The following WDR43 variants were observed in gnomAD, a reference collection of about 807,000 sequenced individuals.
The protein encoded by WDR43 is WD repeat domain 43, also known as WD repeat-containing protein 43.
A neutral mutation model predicts 91.4 loss-of-function variants in WDR43; 13 were observed. The observed-to-expected ratio is 0.14, with a 90% confidence interval of 0.09 to 0.23. The LOEUF (loss-of-function observed/expected upper bound fraction) is 0.23, where lower values mean the gene tolerates loss of function less well. Among genes scored for constraint, WDR43 ranks in the 10% least tolerant of loss-of-function variants. The pLI is 1.00. For synonymous variants in WDR43, 331 were observed against 287.9 expected, an observed-to-expected ratio of 1.15 and a Z score of -1.51; for missense variants, 780 against 809.4, an observed-to-expected ratio of 0.96 and a Z score of 0.44.
At position 28,942,511 on chromosome 2, in the gene WDR43, C is replaced by T. The variant is rs575158213; in HGVS notation, c.1804+130C>T. ...GCAAGCCTTCTCTAATTAAAATAGG[C>T]AAGTCCGTGGCAAAAATCTGTAATT... On this transcript the variant is annotated intron_variant, in intron 16 of 17. Transcript: ENST00000407426. The T allele has an allele frequency of 5.2e-6, 5 of 962,314 alleles. No individual in the cohort carries two copies. The East Asian group carries it at 1.4e-4, about 26-fold the overall frequency. 59.6% of individuals were successfully genotyped at this position (962,314 alleles called of 1,614,324 possible).
At chr2:28,906,643 G>T in intron 3 of WDR43, 62 bp downstream of exon 3, 1 of 1,554,616 alleles carries the variant, frequency 6.4e-7, no homozygotes. Flanking sequence ...GACTTGTGGG[G>T]AATGCAGACA....
chr2:28,931,491 A>G (rs1177507730), intron 11 of WDR43, among the ~76,000 whole-genome samples: 2 of 152,296 alleles, frequency 1.3e-5, no homozygotes, highest in Middle Eastern at 3.4e-3. Context: ...TTATTTGCCT[A>G]GTAGAGCATT....
chr2:28,937,502 T>G (rs953872857), intron 13 of WDR43, among the ~76,000 whole-genome samples: 5 of 152,182 alleles, frequency 3.3e-5, no homozygotes, highest in African/African-American at 1.2e-4. Context: ...ATGACTTTTT[T>G]GCACATTTTT....
At chr2:28,939,957 A>T (rs1671402721) in intron 14 of WDR43, among the ~76,000 whole-genome samples, 1 of 151,892 alleles carries the variant, frequency 6.6e-6, no homozygotes. Flanking sequence ...AATACAAAAA[A>T]TTAGCCGAGC....
intron 1 of WDR43, 87 bp downstream of exon 1, chr2:28,895,010 C>T (rs1670448421): frequency 4.6e-6 from 6 of 1,313,678 alleles, no homozygotes; most frequent in Non-Finnish European, 6.0e-6. Context: ...TCCGGCATCG[C>T]GCGTGGCTCT....
chr2:28,928,970 C>G (rs1366517817), intron 10 of WDR43, among the ~76,000 whole-genome samples: 1 of 152,174 alleles, frequency 6.6e-6, no homozygotes, highest in African/African-American at 2.4e-5. Context: ...CCACCACACC[C>G]AGACCACAGT....
chr2:28,917,721 G>A (rs188462182), intron 5 of WDR43, among the ~76,000 whole-genome samples, 172 bp from the exon 6 acceptor site: 2 of 152,322 alleles, frequency 1.3e-5, no homozygotes, highest in Non-Finnish European at 2.9e-5. Flanking sequence ...TTATATGGTA[G>A]TGACATGGAT....
chr2:28,901,912 C>T, intron 1 of WDR43, 75 bp from the exon 2 acceptor site: 2 of 1,388,360 alleles, frequency 1.4e-6, no homozygotes, highest in South Asian at 3.0e-5. Flanking sequence ...GGCTGGTGGG[C>T]ATTTGTATTT....
intron 3 of WDR43, among the ~76,000 whole-genome samples, chr2:28,907,417 T>C (rs996406236): frequency 1.7e-4 from 20 of 119,090 alleles, no homozygotes; most frequent in African/African-American, 6.7e-4. Context: ...GAGACCAGAC[T>C]GAACAACATA....
intron 3 of WDR43, among the ~76,000 whole-genome samples, chr2:28,908,245 G>C (rs55838644): frequency 0.038 from 5,762 of 152,238 alleles, 362 homozygotes; most frequent in African/African-American, 0.13. Context: ...GGGGTTTTTA[G>C]ACAAGTTGGC....
At chr2:28,895,973 A>G (rs1158234368) in intron 1 of WDR43, 1 of 152,190 alleles carries the variant, frequency 6.6e-6, no homozygotes, top group East Asian at 1.9e-4. Context: ...AAAGGGATAC[A>G]TATAAGTTGC....
chr2:28,943,679 A>C (rs1325631078), intron 16 of WDR43, among the ~76,000 whole-genome samples: 1 of 152,112 alleles, frequency 6.6e-6, no homozygotes, highest in African/African-American at 2.4e-5. Context: ...GTGTTTATTG[A>C]TGGTGTGTAT....
chr2:28,945,002 G>A (rs1262557997), intron 16 of WDR43, among the ~76,000 whole-genome samples: 1 of 152,174 alleles, frequency 6.6e-6, no homozygotes, highest in Non-Finnish European at 1.5e-5. Flanking sequence ...CTGGGGAAAA[G>A]GAACACATAT....
intron 11 of WDR43, among the ~76,000 whole-genome samples, chr2:28,932,877 A>C (rs1671274026): frequency 6.6e-6 from 1 of 152,212 alleles, no homozygotes; most frequent in Non-Finnish European, 1.5e-5. Flanking sequence ...TTTAAGTTAA[A>C]TATTTTTTAA....
chr2:28,927,442 G>A (rs982114280), intron 9 of WDR43, 127 bp from the exon 10 acceptor site: 55 of 1,096,114 alleles, frequency 5.0e-5, no homozygotes, highest in Non-Finnish European at 6.7e-5. Flanking sequence ...ATCTTAAATT[G>A]ATATCAAGTT....
rs556379407 is a variant in WDR43 at position 28,913,357 on chromosome 2, GTCTC to G, written c.606+653_606+656del. ...AAAACAAAACAGATTTTGACACAGG[GTCTC>G]TCTCTGTCGCCCAGGCTGGACTGCA... is the stretch of plus-strand genomic sequence containing the variant. On this transcript the variant is annotated intron_variant, in intron 4 of 17. Coordinates refer to ENST00000407426, the MANE Select transcript of WDR43 (RefSeq NM_015131.3). Among the ~76,000 whole-genome samples, 15 of 152,136 alleles carry G rather than the reference GTCTC, an allele frequency of 9.9e-5. No homozygotes were observed. The East Asian group carries it at 2.9e-3, about 29-fold the overall frequency.
At chr2:28,935,655 A>G (rs1486433525) in intron 12 of WDR43, 48 bp downstream of exon 12, 2 of 1,350,254 alleles carry the variant, frequency 1.5e-6, no homozygotes, top group East Asian at 2.5e-5. Context: ...CATGAGTTAA[A>G]TGGAAAATTC....
intron 1 of WDR43, among the ~76,000 whole-genome samples, chr2:28,901,627 G>C (rs1229011591): frequency 6.6e-6 from 1 of 152,176 alleles, no homozygotes; most frequent in Non-Finnish European, 1.5e-5. Context: ...GAATCTCTTT[G>C]GTTGGGGAGT....
Position 28,937,949 on chromosome 2 carries a change from G to T in WDR43, c.1575G>T (p.Gln525His). Residue 525 changes from glutamine (Q) to histidine (H), a missense_variant, in exon 14 of 18, where the codon CAG (glutamine) becomes CAT (histidine). Around this residue, in one of 4 missense-constraint regions of WDR43, gnomAD observed 426 missense variants for 467.8 expected, o/e 0.91. Transcript: ENST00000407426. ...GHPNSAVLMV[Q>H]WLKCVLTVHA... ...TTTCCAGTGCTGTGCTAATGGTTCAGTGGCTAAAATGTGTGTTAACAGTTC... is the reference window on the plus strand; with the variant it reads ...TTTCCAGTGCTGTGCTAATGGTTCATTGGCTAAAATGTGTGTTAACAGTTC... 1.9e-6 allele frequency: 3 copies of T among 1,613,858 alleles called. No homozygotes were observed. Among genetic ancestry groups the T allele is most frequent in the Non-Finnish European group, 2.5e-6 (3 of 1,179,820 alleles).
Sources: gnomAD v4.1 joint callset for allele counts (sites outside exome capture counted in the v4.1 genomes callset) on GRCh38, gnomAD v4.1.1 for gene constraint, gnomAD v4.1.1 regional missense constraint, MANE v1.5 for transcripts, NCBI Gene and HGNC (gene_info 2026-07-23, HGNC 2026-07-21) for gene names.